PTPRG: variants seen among roughly 807,000 people sequenced by gnomAD.
PTPRG encodes receptor-type tyrosine-protein phosphatase gamma.
PTPRG carries 102 observed loss-of-function variants against 165.3 expected under a neutral mutation model. That is an observed-to-expected ratio of 0.62 (90% CI 0.53 to 0.73). PTPRG has a LOEUF of 0.73. Ranked by LOEUF, PTPRG falls within the 30% of genes least tolerant of loss-of-function variation. The pLI is 0.00. For synonymous variants in PTPRG, 675 were observed against 669.5 expected (o/e 1.01, Z -0.13); for missense variants, 1,866 against 1,861.4 (o/e 1.00, Z -0.05).
chr3:61,599,579 A>G (rs761123121), intron 1 of PTPRG, among the ~76,000 whole-genome samples: 65 of 151,478 alleles, frequency 4.3e-4, no homozygotes, highest in Non-Finnish European at 9.0e-4. Context: ...TGCAATCTCC[A>G]TTTCCTGGGC....
At chr3:62,148,340 G>T (rs1704199241) in intron 6 of PTPRG, among the ~76,000 whole-genome samples, 1 of 152,136 alleles carries the variant, frequency 6.6e-6, no homozygotes, top group Non-Finnish European at 1.5e-5. Flanking sequence ...AATACAGGCT[G>T]CAGTGGTAGA....
intron 1 of PTPRG, among the ~76,000 whole-genome samples, chr3:61,711,711 G>C (rs1425955837): frequency 1.3e-5 from 2 of 152,148 alleles, no homozygotes; most frequent in African/African-American, 4.8e-5. Context: ...CTGATATCCA[G>C]AATCTACAAG....
chr3:62,064,051 C>T (rs1341601004), intron 4 of PTPRG, among the ~76,000 whole-genome samples: 1 of 152,148 alleles, frequency 6.6e-6, no homozygotes, highest in Non-Finnish European at 1.5e-5. Context: ...ATTAGATTCA[C>T]CCTCTTCTTC....
intron 9 of PTPRG, among the ~76,000 whole-genome samples, chr3:62,194,775 C>T (rs940155340): frequency 1.3e-5 from 2 of 151,962 alleles, no homozygotes; most frequent in Non-Finnish European, 1.5e-5. Flanking sequence ...TGAACTCCAG[C>T]CTAGGTGACA....
At chr3:61,675,253 CGGAGGAT>C (rs1703181813) in intron 1 of PTPRG, among the ~76,000 whole-genome samples, 1 of 151,894 alleles carries the variant, frequency 6.6e-6, no homozygotes, top group African/African-American at 2.4e-5. Flanking sequence ...ATAACTTTTC[CGGAGGAT>C]GGAGGATGTG....
intron 4 of PTPRG, among the ~76,000 whole-genome samples, chr3:62,023,381 ATC>A (rs2041742233): frequency 6.6e-6 from 1 of 152,106 alleles, no homozygotes; most frequent in Admixed American, 6.5e-5. Context: ...ATGAGTGTAT[ATC>A]TCTCTGTGTA....
At chr3:61,677,097 T>C (rs1703259420) in intron 1 of PTPRG, among the ~76,000 whole-genome samples, 1 of 151,986 alleles carries the variant, frequency 6.6e-6, no homozygotes, top group Admixed American at 6.6e-5. Context: ...ATATAAAAAT[T>C]AGCTGGGCAT....
At chr3:62,010,111 G>T (rs539585396) in intron 4 of PTPRG, among the ~76,000 whole-genome samples, 2 of 152,164 alleles carry the variant, frequency 1.3e-5, no homozygotes, top group East Asian at 3.9e-4. Flanking sequence ...TAGAGACAAG[G>T]TCTTGCTATG....
rs1700581933 is a variant in PTPRG, at chr3:62,218,965, C to T, written c.2270C>T (p.Ala757Val). 6.2e-7 allele frequency: 1 copy of T among 1,613,964 alleles called. No homozygotes were observed. Among genetic ancestry groups the T allele is most frequent in the African/African-American group, 1.3e-5 (1 of 75,062 alleles). Residue 757 changes from alanine (A) to valine (V), a missense_variant, in exon 13 of 30, where the codon GCT (alanine) becomes GTT (valine). Ala to Val is a moderately conservative substitution (Grantham distance 64, BLOSUM62 0). This residue lies in a region of PTPRG where 1,452 missense variants were observed against 1,463.0 expected (regional missense o/e 0.99). Coordinates refer to ENST00000474889, the MANE Select transcript of PTPRG (RefSeq NM_002841.4). The part of the protein sequence containing the change: ...LTFVCLILLI[A>V]VLVYWRGCNK... ...TTCGTGTGCCTCATCCTTCTCATTG[C>T]TGTGCTCGTTTACTGGAGGTAAGCC...
intron 5 of PTPRG, among the ~76,000 whole-genome samples, chr3:62,109,446 A>C (rs1243108744): frequency 6.6e-6 from 1 of 152,186 alleles, no homozygotes; most frequent in African/African-American, 2.4e-5. Context: ...TGGTTACTGT[A>C]GTCTTGCAGT....
chr3:61,911,069 TC>T (rs1387330770), intron 2 of PTPRG, among the ~76,000 whole-genome samples: 1 of 152,232 alleles, frequency 6.6e-6, no homozygotes, highest in Non-Finnish European at 1.5e-5. Flanking sequence ...CGTCTACTCT[TC>T]CAGTTTCTCA....
intron 2 of PTPRG, among the ~76,000 whole-genome samples, chr3:61,790,401 T>C (rs1292483218): frequency 6.6e-6 from 1 of 152,184 alleles, no homozygotes; most frequent in Non-Finnish European, 1.5e-5. Flanking sequence ...TGAACAAAAA[T>C]GTTTTAGTCC....
intron 4 of PTPRG, among the ~76,000 whole-genome samples, chr3:62,035,162 T>A (rs1361524440): frequency 1.3e-5 from 2 of 152,202 alleles, no homozygotes; most frequent in Non-Finnish European, 2.9e-5. Flanking sequence ...AAAATGGCAC[T>A]GTTTTCAGAC....
intron 2 of PTPRG, among the ~76,000 whole-genome samples, chr3:61,921,260 T>C (rs998824340): frequency 1.3e-5 from 2 of 152,150 alleles, no homozygotes; most frequent in African/African-American, 4.8e-5. Flanking sequence ...ATTTAAGATA[T>C]TGGTAAAGAT....
intron 2 of PTPRG, among the ~76,000 whole-genome samples, chr3:61,884,406 G>A (rs368110324): frequency 6.6e-6 from 1 of 152,280 alleles, no homozygotes; most frequent in South Asian, 2.1e-4. Context: ...GGGGAAGATA[G>A]CAAAAGTTAT....
intron 4 of PTPRG, among the ~76,000 whole-genome samples, chr3:62,026,614 C>T (rs1049477660): frequency 1.1e-4 from 16 of 152,238 alleles, no homozygotes; most frequent in African/African-American, 2.6e-4. Context: ...AGGCCAGGCA[C>T]GGTGGCTCAC....
At chr3:62,130,983 C>G (rs1703493260) in intron 5 of PTPRG, among the ~76,000 whole-genome samples, 2 of 151,768 alleles carry the variant, frequency 1.3e-5, no homozygotes, top group Admixed American at 6.6e-5. Flanking sequence ...TAGCAAATTC[C>G]ACATATTTTA....
At chr3:61,837,560 G>A (rs2036507021) in intron 2 of PTPRG, among the ~76,000 whole-genome samples, 2 of 152,222 alleles carry the variant, frequency 1.3e-5, no homozygotes, top group African/African-American at 4.8e-5. Flanking sequence ...TCATAGACAA[G>A]AGCGGATCAG....
At chr3:61,694,860 T>TTCTC (rs1305750688) in intron 1 of PTPRG, among the ~76,000 whole-genome samples, 1 of 151,894 alleles carries the variant, frequency 6.6e-6, no homozygotes, top group South Asian at 2.1e-4. Flanking sequence ...TTCATTCTCA[T>TTCTC]TCTCTCTCTC....
Sources: gnomAD v4.1 joint callset for allele counts (sites outside exome capture counted in the v4.1 genomes callset) on GRCh38, gnomAD v4.1.1 for gene constraint, gnomAD v4.1.1 regional missense constraint, MANE v1.5 for transcripts, NCBI Gene and HGNC (gene_info 2026-07-23, HGNC 2026-07-21) for gene names.